The following MICAL3 variants were observed in gnomAD, a reference collection of about 807,000 sequenced individuals.
MICAL3 encodes the protein [F-actin]-monooxygenase MICAL3.
Under a neutral mutation model 207.4 loss-of-function variants are expected in MICAL3, and 62 were observed. The observed-to-expected ratio is 0.30, with a 90% confidence interval of 0.24 to 0.37. The LOEUF is 0.37. Among genes scored for constraint, MICAL3 ranks in the 10% least tolerant of loss-of-function variants. MICAL3 has a pLI of 1.00. For missense variants in MICAL3, 2,368 were observed against 2,635.6 expected, an observed-to-expected ratio of 0.90 and a Z score of 2.22; for synonymous variants, 1,077 against 1,069.3, an observed-to-expected ratio of 1.01 and a Z score of -0.14.
intron 11 of MICAL3, among the ~76,000 whole-genome samples, chr22:17,891,952 T>C (rs1170515970): frequency 1.3e-5 from 2 of 152,190 alleles, no homozygotes; most frequent in African/African-American, 4.8e-5. Flanking sequence ...CGCCACCTAC[T>C]GTGTGGCCAG....
chr22:17,902,124 C>T lies in MICAL3; in HGVS notation c.590-145G>A. The T allele has an allele frequency of 1.6e-6, 1 of 626,956 alleles. No homozygotes were observed. The allele number at this position is 626,956 out of a possible 1,614,324, so 38.8% of individuals were successfully genotyped here. On this transcript the variant is annotated intron_variant, in intron 4 of 31. Transcript: ENST00000441493. The surrounding 1 kb of genome is among the most constrained non-coding windows in gnomAD (Gnocchi z 4.5). ...AGAAGCAGTGGAGACAGAGGCTGTG[C>T]ACGGTGGCTCGTGCCTCTAATCCCA...
intron 11 of MICAL3, among the ~76,000 whole-genome samples, chr22:17,893,392 T>A (rs979969341): frequency 2.6e-5 from 4 of 152,178 alleles, no homozygotes; most frequent in African/African-American, 4.8e-5. Flanking sequence ...TGTCACTGAA[T>A]CCTGGCTATG....
At chr22:17,965,207 AGG>A (rs1935094061) in intron 1 of MICAL3, among the ~76,000 whole-genome samples, 1 of 150,116 alleles carries the variant, frequency 6.7e-6, no homozygotes, top group African/African-American at 2.5e-5. Flanking sequence ...AAAAAAAGGA[AGG>A]GAACTATTTC....
In MICAL3 at chr22:17,790,835, G is replaced by A; in HGVS notation, c.5906C>T (p.Ser1969Leu). Residue 1969 changes from serine to leucine, a missense_variant, in exon 32 of 32, where the codon TCA becomes TTA. Physicochemically the swap from Ser to Leu is moderately radical, Grantham distance 145. This residue lies in a region of MICAL3 where 1,770 missense variants were observed against 1,863.2 expected (regional missense o/e 0.95). Transcript: ENST00000441493. ...EMLEVVEQRD[S>L]LVALLEEQRL... ...CTGCTCCTCCAGCAGCGCCACCAGT[G>A]AGTCTCTCTGCTCCACCACCTCCAG... is the stretch of plus-strand genomic sequence containing the variant. The A allele has an allele frequency of 6.2e-7, 1 of 1,613,826 alleles. No homozygotes were observed. Among genetic ancestry groups the A allele is most frequent in the Non-Finnish European group, 8.5e-7 (1 of 1,179,874 alleles).
chr22:17,916,573 T>A (rs1932529075), intron 1 of MICAL3, among the ~76,000 whole-genome samples: 1 of 152,222 alleles, frequency 6.6e-6, no homozygotes, highest in African/African-American at 2.4e-5. Context: ...ATCAAGGTCA[T>A]GAATGACTTC....
rs1199512074 is a variant in MICAL3, at chr22:17,796,718, G to T, written c.5651-5417C>A. Among the ~76,000 whole-genome samples, 1 of 152,230 alleles carries T rather than the reference G, an allele frequency of 6.6e-6. No individual in the cohort carries two copies. Among genetic ancestry groups the T allele is most frequent in the African/African-American group, 2.4e-5 (1 of 41,454 alleles). ...CCTTCCTGCCTCGTCTTCTGAAGAG[G>T]CCCTGAGAGGGTAAGTAGAGTCTGT... is the stretch of plus-strand genomic sequence containing the variant. On this transcript the variant is annotated intron_variant, in intron 29 of 31. Transcript: ENST00000441493. The surrounding 1 kb of genome is among the most constrained non-coding windows in gnomAD (Gnocchi z 4.4).
intron 16 of MICAL3, among the ~76,000 whole-genome samples, chr22:17,879,774 A>G (rs554953426): frequency 2.0e-5 from 3 of 152,332 alleles, no homozygotes; most frequent in Non-Finnish European, 4.4e-5. Flanking sequence ...ACAACAAGAC[A>G]TTTTAGAAAG....
intron 1 of MICAL3, among the ~76,000 whole-genome samples, chr22:17,995,670 CTATTTTTTG>C (rs1257210135): frequency 6.6e-6 from 1 of 151,660 alleles, no homozygotes; most frequent in African/African-American, 2.4e-5. Context: ...CCACACCTGG[CTATTTTTTG>C]TATTTTTTTT....
intron 26 of MICAL3, among the ~76,000 whole-genome samples, 175 bp from the exon 27 acceptor site, chr22:17,816,959 T>G (rs1380201912): frequency 6.6e-6 from 1 of 152,228 alleles, no homozygotes; most frequent in East Asian, 1.9e-4. Flanking sequence ...AACCTTTGCC[T>G]GGGCAGGGCA....
chr22:17,812,419 G>T (rs2062058336), intron 27 of MICAL3: 2 of 585,164 alleles, frequency 3.4e-6, no homozygotes, highest in Non-Finnish European at 4.3e-6. Flanking sequence ...AGTTAGTGAG[G>T]ATGTGGCTGG....
At chr22:17,973,308 A>C (rs901458790) in intron 1 of MICAL3, among the ~76,000 whole-genome samples, 17 of 152,362 alleles carry the variant, frequency 1.1e-4, no homozygotes, top group Admixed American at 1.1e-3. Flanking sequence ...AAAGGACATC[A>C]GAAAAGACGG....
chr22:18,003,729 T>C (rs1476940205), intron 1 of MICAL3, among the ~76,000 whole-genome samples: 1 of 152,048 alleles, frequency 6.6e-6, no homozygotes, highest in Non-Finnish European at 1.5e-5. Context: ...CCACTGCCAC[T>C]CAACCAGCTT....
intron 1 of MICAL3, among the ~76,000 whole-genome samples, chr22:17,937,881 C>A (rs1015800717): frequency 6.6e-6 from 1 of 152,110 alleles, no homozygotes; most frequent in Non-Finnish European, 1.5e-5. Context: ...ATGAATGAAG[C>A]CAACAAATTA....
Position 17,901,751 on chromosome 22 carries a change from A to C in MICAL3, c.691+127T>G, listed in dbSNP as rs151337427. On this transcript the variant is annotated intron_variant, in intron 5 of 31. Coordinates refer to ENST00000441493, the MANE Select transcript of MICAL3 (RefSeq NM_015241.3). ...GGATGGTGGGGCCTGCCATTCCATC[A>C]GGGCAGGAAGCACACATTCAGGCTC... is the stretch of plus-strand genomic sequence containing the variant. 7.0e-3 allele frequency: 3,902 copies of C among 561,182 alleles called. 33 individuals are homozygous for C. The highest frequency in any genetic ancestry group is 7.2e-3 in the Non-Finnish European group (2,357 of 329,212). 34.8% of individuals were successfully genotyped at this position (561,182 alleles called of 1,614,324 possible). A position where few individuals can be genotyped will look rare whatever the true frequency, so the allele number is the denominator to read the frequency against.
At position 17,817,944 on chromosome 22, in the gene MICAL3, C is replaced by T. The variant is rs370318089; in HGVS notation, c.4717G>A (p.Gly1573Arg). ...KENGRLPALE[G>R]TLQPQKRGLP... is the part of the protein sequence containing the mutation. ...CCCCTCTTCTGTGGCTGCAGCGTCC[C>T]CTCCAGAGCAGGCAGCCTCCCGTTC... is the stretch of plus-strand genomic sequence containing the variant. Residue 1573 changes from glycine (G) to arginine (R), a missense_variant, in exon 26 of 32, where the codon GGG (glycine) becomes AGG (arginine). Physicochemically the swap from Gly to Arg is moderately radical, Grantham distance 125. Coordinates refer to ENST00000441493, the MANE Select transcript of MICAL3 (RefSeq NM_015241.3). The T allele has an allele frequency of 1.5e-4, 244 of 1,612,480 alleles. No homozygotes were observed. Among genetic ancestry groups the T allele is most frequent in the Middle Eastern group, 8.2e-4 (5 of 6,062 alleles).
chr22:17,995,809 T>C (rs557007401), intron 1 of MICAL3, among the ~76,000 whole-genome samples: 1 of 152,072 alleles, frequency 6.6e-6, no homozygotes, highest in Admixed American at 6.6e-5. Context: ...ACACCTGGCC[T>C]CTTTTCTTTT....
chr22:17,798,166 G>A (rs1393471224), intron 29 of MICAL3, among the ~76,000 whole-genome samples: 1 of 152,224 alleles, frequency 6.6e-6, no homozygotes, highest in Non-Finnish European at 1.5e-5. Context: ...GGCTTTTTAT[G>A]AGCCGAGCCA....
intron 22 of MICAL3, among the ~76,000 whole-genome samples, chr22:17,826,926 G>A (rs1922256042): frequency 6.6e-6 from 1 of 152,226 alleles, no homozygotes; most frequent in South Asian, 2.1e-4. Flanking sequence ...TGTATGCTCA[G>A]AGCCTGGCAG....
At position 17,896,268 on chromosome 22, in the gene MICAL3, G is replaced by T; in HGVS notation, c.1300C>A (p.Pro434Thr). The T allele has an allele frequency of 6.4e-7, 1 of 1,556,858 alleles. No homozygotes were observed. Among genetic ancestry groups the T allele is most frequent in the Non-Finnish European group, 8.7e-7 (1 of 1,149,728 alleles). ...TACCTCTCTGCCAGCACTTCCAAAGGGCTCGTTCCTAGAGACCAACTTCGG... is the reference window on the plus strand; with the variant it reads ...TACCTCTCTGCCAGCACTTCCAAAGTGCTCGTTCCTAGAGACCAACTTCGG... ...MVRSWSLGTSPLEVLAERESI... is the reference protein window; with the variant it reads ...MVRSWSLGTSTLEVLAERESI... The change falls in exon 9 of 32, where the codon CCT becomes ACT. Residue 434 changes from proline (P) to threonine (T), a missense_variant. Pro to Thr is a conservative substitution (Grantham distance 38). This residue lies in a region of MICAL3 where 147 missense variants were observed against 137.7 expected (regional missense o/e 1.07). Transcript: ENST00000441493.
Sources: allele counts gnomAD v4.1 joint callset (sites outside exome capture counted in the v4.1 genomes callset), GRCh38; gene constraint gnomAD v4.1.1; regional missense constraint gnomAD v4.1.1; non-coding constraint Gnocchi (gnomAD v3.1); transcripts MANE v1.5; gene names NCBI Gene and HGNC (gene_info 2026-07-23, HGNC 2026-07-21).